The following USP10 variants were observed in gnomAD, a reference collection of about 807,000 sequenced individuals.
USP10 encodes the protein ubiquitin specific peptidase 10.
USP10 carries 22 observed loss-of-function variants against 84.5 expected under a neutral mutation model. The observed-to-expected ratio is 0.26, with a 90% CI of 0.19 to 0.37. The LOEUF is 0.37. Ranked by LOEUF, USP10 falls within the 10% of genes least tolerant of loss-of-function variation. The pLI, the probability that USP10 is intolerant of heterozygous loss-of-function variation, is 1.00. For synonymous variants in USP10, 454 were observed against 387.6 expected (o/e 1.17, Z -2.01); for missense variants, 1,019 against 998.9 (o/e 1.02, Z -0.27).
intron 11 of USP10, among the ~76,000 whole-genome samples, chr16:84,768,635 A>G (rs754185805): frequency 2.0e-5 from 3 of 152,194 alleles, no homozygotes; most frequent in Admixed American, 6.5e-5. Context: ...TCTAATGATG[A>G]TATCACAACA....
intron 1 of USP10, among the ~76,000 whole-genome samples, chr16:84,731,235 T>C (rs928986856): frequency 6.6e-6 from 1 of 151,770 alleles, no homozygotes; most frequent in African/African-American, 2.4e-5. Flanking sequence ...CACCTCGGCC[T>C]CCCAGAGTGC....
In USP10 at chr16:84,723,525, A is replaced by T. The variant is rs753586082; in HGVS notation, c.22-9910A>T. Among the ~76,000 whole-genome samples the T allele has an allele frequency of 2.0e-5, 3 of 152,324 alleles. No individual in the cohort carries two copies. In the East Asian group the frequency reaches 5.8e-4, roughly 29 times the overall value. On this transcript the variant is annotated intron_variant, in intron 1 of 13. Coordinates refer to ENST00000219473, the MANE Select transcript of USP10 (RefSeq NM_005153.3). ...CACTGACGCCTGGGAAGTCACAATGATTGCTATGTAGTTTGGAGAAATTAT... is the reference window on the plus strand; with the variant it reads ...CACTGACGCCTGGGAAGTCACAATGTTTGCTATGTAGTTTGGAGAAATTAT...
At chr16:84,728,903 A>T (rs1461740996) in intron 1 of USP10, among the ~76,000 whole-genome samples, 1 of 151,898 alleles carries the variant, frequency 6.6e-6, no homozygotes, top group Non-Finnish European at 1.5e-5. Flanking sequence ...GGTTCACGTA[A>T]TTCTTCTGCA....
At chr16:84,710,599 C>T (rs544492966) in intron 1 of USP10, among the ~76,000 whole-genome samples, 2 of 152,136 alleles carry the variant, frequency 1.3e-5, no homozygotes, top group Non-Finnish European at 2.9e-5. Context: ...GCATCTGTCC[C>T]TTGATTATAT....
At chr16:84,774,346 CTT>C (rs1320661094) in intron 12 of USP10, among the ~76,000 whole-genome samples, 1 of 152,180 alleles carries the variant, frequency 6.6e-6, no homozygotes, top group African/African-American at 2.4e-5. Flanking sequence ...CCGACGGACT[CTT>C]GTGTCGGTGT....
At chr16:84,755,383 C>A (rs1912412575) in intron 4 of USP10, among the ~76,000 whole-genome samples, 1 of 151,986 alleles carries the variant, frequency 6.6e-6, no homozygotes, top group Middle Eastern at 3.4e-3. Flanking sequence ...CACCCATGAT[C>A]CTGTCTCCTT....
At position 84,745,313 on chromosome 16, in the gene USP10, A is replaced by T; in HGVS notation, c.832A>T (p.Thr278Ser). The change falls in exon 4 of 14, where the codon ACT becomes TCT. Residue 278 changes from threonine (T) to serine (S), a missense_variant. Transcript: ENST00000219473. ...GGCTCAGCCCTGCGTTGGTACCGAT[A>T]CTACTGAAAACCTTGGAGTTGCTAA... ...AGAQPCVGTD[T>S]TENLGVANGQ... is the part of the protein sequence containing the mutation. The T allele has an allele frequency of 5.0e-6, 8 of 1,613,050 alleles. No individual in the cohort carries two copies. Among genetic ancestry groups the T allele is most frequent in the Non-Finnish European group, 6.8e-6 (8 of 1,179,714 alleles).
At chr16:84,701,524 TTAAC>T (rs1404385141) in intron 1 of USP10, among the ~76,000 whole-genome samples, 18 of 152,230 alleles carry the variant, frequency 1.2e-4, no homozygotes, top group African/African-American at 3.6e-4. Context: ...TAAATCCTAA[TTAAC>T]TAGCTTATTA....
rs1406818640 is a variant in USP10 at position 84,764,221 on chromosome 16, T to C, written c.1790T>C (p.Phe597Ser). ...ACTTCCGTCACCCGCCAGGCGGATTTTGTTCAGACTCCAATCACCGGCATT... is the reference window on the plus strand; with the variant it reads ...ACTTCCGTCACCCGCCAGGCGGATTCTGTTCAGACTCCAATCACCGGCATT... ...NKTSVTRQAD[F>S]VQTPITGIFG... The change falls in exon 10 of 14, where the codon TTT becomes TCT. Residue 597 changes from phenylalanine (F) to serine (S), a missense_variant. Coordinates refer to ENST00000219473, the MANE Select transcript of USP10 (RefSeq NM_005153.3). 4.3e-6 allele frequency: 7 copies of C among 1,613,914 alleles called. No homozygotes were observed. Among genetic ancestry groups the C allele is most frequent in the Non-Finnish European group, 5.9e-6 (7 of 1,179,900 alleles).
At chr16:84,743,499 C>T (rs937264517) in intron 3 of USP10, among the ~76,000 whole-genome samples, 3 of 152,026 alleles carry the variant, frequency 2.0e-5, no homozygotes, top group East Asian at 1.9e-4. Flanking sequence ...TTCAGTTCTC[C>T]GCAGTAGAAC....
rs1909496052 is a variant in USP10 at position 84,733,422 on chromosome 16, TA to T, written c.22-12del. The T allele has an allele frequency of 1.3e-6, 2 of 1,580,692 alleles. No individual in the cohort carries two copies. The highest frequency in any genetic ancestry group is 2.7e-5 in the African/African-American group (2 of 73,616). ...TATTTTATGTGATCAGTGACTCTCT[TA>T]TTTTTTTTCAGTATATTTTTGGAGA... On this transcript the variant is annotated splice_polypyrimidine_tract_variant and intron_variant, in intron 1 of 13. Transcript: ENST00000219473.
Position 84,740,366 on chromosome 16 carries a change from G to A in USP10, c.148G>A (p.Asp50Asn). 1 of 1,612,600 alleles carries A rather than the reference G, an allele frequency of 6.2e-7. No homozygotes were observed. The highest frequency in any genetic ancestry group is 8.5e-7 in the Non-Finnish European group (1 of 1,178,922). ...CACACAGGCTGTGGATAAACTACCT[G>A]ATGGTAAGCTAGTTCTCTCCTTATT... ...CGTQAVDKLP[D>N]GQEYQRIEFG... Residue 50 changes from aspartate to asparagine, a missense_variant, in exon 3 of 14, where the codon GAT (aspartate) becomes AAT (asparagine). By Grantham distance (23) the Asp-to-Asn change is conservative. Transcript: ENST00000219473.
rs147926276 is a variant in USP10, at chr16:84,776,446, C to G, written c.2209+1221C>G. Among the ~76,000 whole-genome samples the G allele has an allele frequency of 1.4e-4, 21 of 152,348 alleles. No homozygotes were observed. In the East Asian group the frequency reaches 3.9e-3, roughly 28 times the overall value. On this transcript the variant is annotated intron_variant, in intron 13 of 13. Transcript: ENST00000219473. ...TTTCTCCCCCCGATCACAATTCCTC[C>G]TCAACTTGCTGGGCCTCAGATGGGA...
At position 84,764,188 on chromosome 16, in the gene USP10, G is replaced by A; in HGVS notation, c.1757G>A (p.Arg586Gln). ...GATGAATGGGAACAAGTGGGCCCCC[G>A]GAACAAGACTTCCGTCACCCGCCAG... ...SEDEWEQVGP[R>Q]NKTSVTRQAD... is the part of the protein sequence containing the mutation. The change falls in exon 10 of 14, where the codon CGG (arginine) becomes CAG (glutamine). Residue 586 changes from arginine (R) to glutamine (Q), a missense_variant. Arg to Gln is a conservative substitution (Grantham distance 43, BLOSUM62 1). Transcript: ENST00000219473. 6.2e-7 allele frequency: 1 copy of A among 1,613,970 alleles called. No homozygotes were observed. The highest frequency in any genetic ancestry group is 1.1e-5 in the South Asian group (1 of 91,084).
chr16:84,700,064 C>A lies in USP10; in HGVS notation c.-27C>A. 7.3e-7 allele frequency: 1 copy of A among 1,369,556 alleles called. No homozygotes were observed. The highest frequency in any genetic ancestry group is 9.6e-7 in the Non-Finnish European group (1 of 1,040,896). 84.8% of individuals were successfully genotyped at this position (1,369,556 alleles called of 1,614,324 possible). ...GAAGCAGCGTGAGCAGCCGGAGGAT[C>A]GCGGAGTCCCAATGAAACGGGCAGC... On this transcript the variant is annotated 5_prime_UTR_variant, in exon 1 of 14. Coordinates refer to ENST00000219473, the MANE Select transcript of USP10 (RefSeq NM_005153.3).
intron 13 of USP10, 31 bp downstream of exon 13, chr16:84,775,256 A>G (rs1914878143): frequency 1.2e-6 from 2 of 1,603,438 alleles, no homozygotes; most frequent in East Asian, 2.2e-5. Context: ...TTACTTCTTC[A>G]TTAAAACACT....
rs188246208 is a variant in USP10 at position 84,739,701 on chromosome 16, A to G, written c.91-608A>G. ...TGAGATAACCTTTCAGCTTTTTACA[A>G]AGAAGTCAGACAGTTCCCATTCTGC... On this transcript the variant is annotated intron_variant, in intron 2 of 13. Transcript: ENST00000219473. Among the ~76,000 whole-genome samples, 4 of 152,364 alleles carry G rather than the reference A, an allele frequency of 2.6e-5. No individual in the cohort carries two copies. In the East Asian group the frequency reaches 7.7e-4, roughly 29 times the overall value.
At chr16:84,747,013 C>G (rs1911304544) in intron 4 of USP10, among the ~76,000 whole-genome samples, 1 of 152,184 alleles carries the variant, frequency 6.6e-6, no homozygotes, top group African/African-American at 2.4e-5. Context: ...TGGGCCTGCA[C>G]AGGGTCAGGA....
chr16:84,776,361 C>T (rs1003116764), intron 13 of USP10, among the ~76,000 whole-genome samples: 4 of 152,306 alleles, frequency 2.6e-5, no homozygotes, highest in African/African-American at 9.6e-5. Flanking sequence ...AGCCACACTG[C>T]AAGGTGCCAG....
Sources: gnomAD v4.1 joint callset for allele counts (sites outside exome capture counted in the v4.1 genomes callset) on GRCh38, gnomAD v4.1.1 for gene constraint, MANE v1.5 for transcripts, NCBI Gene and HGNC (gene_info 2026-07-23, HGNC 2026-07-21) for gene names.